FMN2: variants seen among roughly 807,000 people sequenced by gnomAD.
FMN2 encodes the protein formin-2.
In FMN2, 51 loss-of-function variants were observed where a neutral mutation model predicts 142.3. The observed-to-expected ratio is 0.36, with a 90% CI of 0.29 to 0.45. FMN2 has a LOEUF of 0.45. FMN2 is among the 20% of genes least tolerant of loss of function. The pLI is 1.00. For missense variants in FMN2, 1,936 were observed against 2,122.8 expected, an observed-to-expected ratio of 0.91 and a Z score of 1.73; for synonymous variants, 882 against 869.8, an observed-to-expected ratio of 1.01 and a Z score of -0.25.
At chr1:240,198,820 A>G (rs989676768) in intron 4 of FMN2, among the ~76,000 whole-genome samples, 2 of 152,168 alleles carry the variant, frequency 1.3e-5, no homozygotes, top group Non-Finnish European at 2.9e-5. Context: ...AATTTAGAAC[A>G]TGACAGCCTG....
intron 6 of FMN2, among the ~76,000 whole-genome samples, chr1:240,225,343 G>A (rs929980441): frequency 5.9e-5 from 9 of 152,176 alleles, no homozygotes; most frequent in African/African-American, 1.9e-4. Flanking sequence ...CAGTGGTTAA[G>A]GGTAAAACCC....
chr1:240,291,652 C>T (rs2102955323), intron 7 of FMN2, among the ~76,000 whole-genome samples: 1 of 152,246 alleles, frequency 6.6e-6, no homozygotes, highest in South Asian at 2.1e-4. Context: ...CCAGGTAGTT[C>T]TGTACCAGGC....
intron 6 of FMN2, among the ~76,000 whole-genome samples, chr1:240,235,037 C>G (rs1667656789): frequency 1.3e-5 from 2 of 152,132 alleles, no homozygotes; most frequent in African/African-American, 2.4e-5. Flanking sequence ...GTATTGCATG[C>G]AAAATTCTTC....
chr1:240,427,171 T>TTTTATATATATA (rs1222415126), intron 15 of FMN2, among the ~76,000 whole-genome samples: 1 of 136,892 alleles, frequency 7.3e-6, no homozygotes, highest in African/African-American at 3.2e-5. Flanking sequence ...ACAACTGATT[T>TTTTATATATATA]TATATATATA....
intron 2 of FMN2, among the ~76,000 whole-genome samples, chr1:240,132,089 G>A (rs1232250724): frequency 6.6e-6 from 1 of 152,168 alleles, no homozygotes; most frequent in Non-Finnish European, 1.5e-5. Flanking sequence ...GTGAGGAAGT[G>A]GAGTAGATGA....
chr1:240,381,805 A>G (rs1341757907), intron 14 of FMN2, among the ~76,000 whole-genome samples: 1 of 152,194 alleles, frequency 6.6e-6, no homozygotes, highest in East Asian at 1.9e-4. Context: ...TCAACAAAGT[A>G]GACATTGAAG....
intron 7 of FMN2, among the ~76,000 whole-genome samples, chr1:240,289,925 T>C (rs1404333100): frequency 6.6e-6 from 1 of 152,188 alleles, no homozygotes. Context: ...CTTTGCTCTC[T>C]AGCCTGTGGG....
In FMN2 at chr1:240,215,307, T is replaced by C. The variant is rs16839645; in HGVS notation, c.4065+4072T>C. 4.2e-3 allele frequency among the ~76,000 whole-genome samples: 643 copies of C among 152,322 alleles called. 4 individuals carry two copies. Among genetic ancestry groups the C allele is most frequent in the African/African-American group, 0.015 (606 of 41,566 alleles). On this transcript the variant is annotated intron_variant, in intron 6 of 17. Coordinates refer to ENST00000319653, the MANE Select transcript of FMN2 (RefSeq NM_020066.5). ...TTTACCATGTACCAGTTACTGTTCT[T>C]AGCACTTATATCAGCTCATATAATG...
At chr1:240,439,650 A>C (rs1180061113) in intron 16 of FMN2, among the ~76,000 whole-genome samples, 2 of 152,234 alleles carry the variant, frequency 1.3e-5, no homozygotes, top group African/African-American at 4.8e-5. Context: ...TTCCAAATGC[A>C]TCAGTAACGT....
chr1:240,427,772 C>T (rs1008821741), intron 15 of FMN2, among the ~76,000 whole-genome samples: 2 of 152,148 alleles, frequency 1.3e-5, no homozygotes, highest in African/African-American at 4.8e-5. Context: ...GCTCTAGATA[C>T]TCGATCAGCT....
chr1:240,162,919 A>G (rs1664339529), intron 2 of FMN2, among the ~76,000 whole-genome samples: 1 of 152,118 alleles, frequency 6.6e-6, no homozygotes, highest in Non-Finnish European at 1.5e-5. Flanking sequence ...GACTAACTGT[A>G]TCTCTAAAGT....
At chr1:240,370,902 T>C (rs1230925957) in intron 14 of FMN2, among the ~76,000 whole-genome samples, 2 of 152,184 alleles carry the variant, frequency 1.3e-5, no homozygotes, top group African/African-American at 4.8e-5. Flanking sequence ...AATATAGAGC[T>C]AATATATTTT....
At chr1:240,339,393 T>C (rs569902255) in intron 13 of FMN2, among the ~76,000 whole-genome samples, 12 of 152,292 alleles carry the variant, frequency 7.9e-5, no homozygotes, top group African/African-American at 2.6e-4. Flanking sequence ...ATAGCATAGG[T>C]ATGTGTATAT....
chr1:240,170,800 G>A (rs1294637213), intron 2 of FMN2: 16 of 969,356 alleles, frequency 1.7e-5, no homozygotes, highest in Non-Finnish European at 2.5e-5. Flanking sequence ...TATCGTGGGC[G>A]GTAAAGTGGC....
intron 4 of FMN2, among the ~76,000 whole-genome samples, chr1:240,201,006 GT>G (rs1666102657): frequency 6.6e-6 from 1 of 152,092 alleles, no homozygotes; most frequent in Non-Finnish European, 1.5e-5. Context: ...TCTGCCATTT[GT>G]TAGCTCTGGT....
At chr1:240,228,751 T>C (rs1043156680) in intron 6 of FMN2, among the ~76,000 whole-genome samples, 4 of 152,052 alleles carry the variant, frequency 2.6e-5, no homozygotes, top group Admixed American at 2.6e-4. Context: ...ATTTTCTGGA[T>C]AAATAATATA....
At chr1:240,252,824 A>AT (rs1283530283) in intron 6 of FMN2, among the ~76,000 whole-genome samples, 3 of 150,926 alleles carry the variant, frequency 2.0e-5, no homozygotes, top group African/African-American at 4.9e-5. Flanking sequence ...AGACTTGGGA[A>AT]TTTTTTTTAG....
chr1:240,159,974 T>TATACACACAC (rs1202421069), intron 2 of FMN2, among the ~76,000 whole-genome samples: 88 of 134,074 alleles, frequency 6.6e-4, no homozygotes, highest in African/African-American at 2.1e-3. Flanking sequence ...TATATATATA[T>TATACACACAC]ACACACACAC....
At chr1:240,422,293 G>A (rs535546485) in intron 15 of FMN2, among the ~76,000 whole-genome samples, 1 of 152,284 alleles carries the variant, frequency 6.6e-6, no homozygotes, top group South Asian at 2.1e-4. Context: ...TAACTCATTA[G>A]GAAAGTGATT....
Sources: gnomAD v4.1 joint callset for allele counts (sites outside exome capture counted in the v4.1 genomes callset) on GRCh38, gnomAD v4.1.1 for gene constraint, MANE v1.5 for transcripts, NCBI Gene and HGNC (gene_info 2026-07-23, HGNC 2026-07-21) for gene names.